SETSIP: variants seen among roughly 807,000 people sequenced by gnomAD.
SETSIP encodes protein SETSIP.
SETSIP carries 15 observed loss-of-function variants against 21.9 expected under a neutral mutation model. The ratio of observed to expected loss-of-function variants is 0.69; its 90% CI spans 0.46 to 1.06. The LOEUF (loss-of-function observed/expected upper bound fraction) is 1.06. SETSIP is among the 50% of genes least tolerant of loss of function. The pLI, the probability that SETSIP is intolerant of heterozygous loss-of-function variation, is 0.00. For synonymous variants in SETSIP, 101 were observed against 121.2 expected, an observed-to-expected ratio of 0.83 and a Z score of 1.09; for missense variants, 310 against 337.4, an observed-to-expected ratio of 0.92 and a Z score of 0.64.
exon 1 of SETSIP, chr1:92,075,246 C>T (rs1178464607): frequency 6.2e-7 from 1 of 1,611,932 alleles, no homozygotes. Flanking sequence ...TTAAGTCTGT[C>T]TATTTCATTT....
chr1:92,074,651 C>CCATCATCATCACCAT, exon 1 of SETSIP: 2 of 1,578,308 alleles, frequency 1.3e-6, no homozygotes, highest in South Asian at 2.4e-5. Context: ...CCCTTCATCA[C>CCATCATCATCACCAT]CATCATCATC....
At chr1:92,075,219 C>G (rs1647813034) in exon 1 of SETSIP, 3 of 1,611,800 alleles carry the variant, frequency 1.9e-6, no homozygotes, top group Admixed American at 1.7e-5. Flanking sequence ...TTCAAAATCT[C>G]CTCACTGTCT....
exon 1 of SETSIP, chr1:92,074,918 G>T: frequency 6.2e-7 from 1 of 1,611,736 alleles, no homozygotes. Context: ...GGACTTTGAA[G>T]ATGGATCACC....
exon 1 of SETSIP, chr1:92,074,817 G>T (rs940676499): frequency 6.2e-7 from 1 of 1,611,336 alleles, no homozygotes; most frequent in African/African-American, 1.3e-5. Flanking sequence ...AAGCTCTCTG[G>T]TTCCTCATGC....
At chr1:92,074,721 G>C (rs1180065872) in exon 1 of SETSIP, 1 of 1,605,588 alleles carries the variant, frequency 6.2e-7, no homozygotes, top group Admixed American at 1.7e-5. Context: ...AAGTAATACT[G>C]TAATGGGTTT....
At chr1:92,074,694 C>T in exon 1 of SETSIP, 1 of 1,595,610 alleles carries the variant, frequency 6.3e-7, no homozygotes, top group East Asian at 2.2e-5. Context: ...CCTTCTTCAT[C>T]ATCCATATCA....
In SETSIP at chr1:92,074,837, C is replaced by T. The variant is rs1557890731; in HGVS notation, c.575G>A (p.Arg192Lys). 8.7e-6 allele frequency: 14 copies of T among 1,611,468 alleles called. No individual in the cohort carries two copies. The Admixed American group carries it at 1.8e-4, about 21-fold the overall frequency. ...CTCTGGTTCCTCATGCTGCCTCTTC[C>T]TGCTGGCTTTATTCTGCGTTTGACT... Residue 192 changes from arginine (R) to lysine (K), a missense_variant, in exon 1 of 1, where the codon AGG becomes AAG. By Grantham distance (26) the Arg-to-Lys change is conservative. Coordinates refer to ENST00000596516, the Ensembl canonical transcript of SETSIP.
In SETSIP at chr1:92,075,363, T is replaced by A. The variant is rs962063619; in HGVS notation, c.49A>T (p.Arg17Ter). 38 of 1,608,744 alleles carry A rather than the reference T, an allele frequency of 2.4e-5. No individual in the cohort carries two copies. The highest frequency in any genetic ancestry group is 1.3e-4 in the South Asian group (12 of 90,676). The change falls in exon 1 of 1, where the codon AGA becomes TGA. Residue 17 changes from arginine to a stop codon, truncating the protein, a stop_gained. Transcript: ENST00000596516. LOFTEE classifies it high-confidence loss of function. ...TCCAGTCCCAGAGCAGGAGGTGGTCTTGGTTTCTTCTTTTGAAGTGGGAGT... is the reference window on the plus strand; with the variant it reads ...TCCAGTCCCAGAGCAGGAGGTGGTCATGGTTTCTTCTTTTGAAGTGGGAGT...
chr1:92,075,001 T>G (rs1647808635), exon 1 of SETSIP: 2 of 1,611,476 alleles, frequency 1.2e-6, no homozygotes, highest in African/African-American at 2.7e-5. Flanking sequence ...AATAAAAATC[T>G]ATTCTGTAAC....
Position 92,074,879 on chromosome 1 carries a change from T to A in SETSIP, c.533A>T (p.Asp178Val), listed in dbSNP as rs923496100. ...CGTTTGACTTGAACGTTTCGTCACA[T>A]CCTTTCCAGATTTCCATTTGATTTT... The change falls in exon 1 of 1, where the codon GAT becomes GTT. Residue 178 changes from aspartate to valine, a missense_variant. Physicochemically the swap from Asp to Val is radical, Grantham distance 152. Coordinates refer to ENST00000596516, the Ensembl canonical transcript of SETSIP. 5 of 1,611,714 alleles carry A rather than the reference T, an allele frequency of 3.1e-6. No individual in the cohort carries two copies. The African/African-American group carries it at 4.0e-5, about 13-fold the overall frequency.
chr1:92,074,723 A>C lies in SETSIP; in HGVS notation c.689T>G (p.Leu230Ter). Residue 230 changes from leucine (L) to a stop codon, truncating the protein, a stop_gained, in exon 1 of 1, where the codon TTA becomes TGA. Transcript: ENST00000596516. LOFTEE classifies it high-confidence loss of function. ...CATATCAGGAACCAAGTAATACTGT[A>C]ATGGGTTTGGCCAAATATCATCTTT... 6.2e-7 allele frequency: 1 copy of C among 1,606,270 alleles called. No homozygotes were observed. The highest frequency in any genetic ancestry group is 1.1e-5 in the South Asian group (1 of 89,846).
In SETSIP at chr1:92,074,596, AC is replaced by A. The variant is rs2101882010; in HGVS notation, c.815del (p.Gly272ValfsTer?). Reference sequence around the variant, plus strand: ...CTTCATCATCATCTTCATCTTCTTCACCTTCATCCTCATCCCCTTCATCAAT... The same window carrying A: ...CTTCATCATCATCTTCATCTTCTTCACTTCATCCTCATCCCCTTCATCAAT... On this transcript the variant is annotated frameshift_variant, in exon 1 of 1. Transcript: ENST00000596516. LOFTEE classifies it high-confidence loss of function. 4 of 1,559,650 alleles carry A rather than the reference AC, an allele frequency of 2.6e-6. No individual in the cohort carries two copies. Among genetic ancestry groups the A allele is most frequent in the Non-Finnish European group, 2.6e-6 (3 of 1,160,834 alleles).
chr1:92,075,030 A>C (rs1647809028), exon 1 of SETSIP: 1 of 1,611,780 alleles, frequency 6.2e-7, no homozygotes, highest in Non-Finnish European at 8.5e-7. Flanking sequence ...ATATCTTCAA[A>C]TTCTGTCACT....
At chr1:92,074,830 C>T (rs1334010779) in exon 1 of SETSIP, 37 of 1,611,540 alleles carry the variant, frequency 2.3e-5, no homozygotes, top group Non-Finnish European at 3.1e-5. Context: ...CCTCATGCTG[C>T]CTCTTCCTGC....
At chr1:92,075,282 C>G (rs1355464960) in exon 1 of SETSIP, 5 of 1,611,946 alleles carry the variant, frequency 3.1e-6, no homozygotes, top group Admixed American at 3.3e-5. Flanking sequence ...TGTTCAATTG[C>G]TTCTTGCTGT....
exon 1 of SETSIP, chr1:92,074,908 G>A: frequency 6.2e-7 from 1 of 1,611,694 alleles, no homozygotes; most frequent in Non-Finnish European, 8.5e-7. Context: ...TGATTTTGGT[G>A]GACTTTGAAG....
exon 1 of SETSIP, chr1:92,074,873 G>A (rs540986840): frequency 1.8e-5 from 29 of 1,611,622 alleles, no homozygotes; most frequent in Middle Eastern, 2.2e-4. Context: ...TGAACGTTTC[G>A]TCACATCCTT....
At chr1:92,074,627 T>C in exon 1 of SETSIP, 1 of 1,571,000 alleles carries the variant, frequency 6.4e-7, no homozygotes, top group Non-Finnish European at 8.6e-7. Context: ...ATCAATATCT[T>C]CTAATTCTTC....
chr1:92,074,962 T>G (rs1406759972), exon 1 of SETSIP: 2 of 1,611,448 alleles, frequency 1.2e-6, no homozygotes, highest in African/African-American at 2.7e-5. Flanking sequence ...TGGAGAAAAC[T>G]TTATTTTCAA....
Sources: allele counts gnomAD v4.1 joint callset, GRCh38; gene constraint gnomAD v4.1.1; transcripts MANE v1.5; gene names NCBI Gene and HGNC (gene_info 2026-07-23, HGNC 2026-07-21).